Variants in TMEM181 observed in about 807,000 individuals in gnomAD.
The protein encoded by TMEM181 is G protein-coupled receptor 178.
A neutral mutation model predicts 71.9 loss-of-function variants in TMEM181; 39 were observed. The observed-to-expected ratio is 0.54, with a 90% CI of 0.42 to 0.71. The LOEUF (loss-of-function observed/expected upper bound fraction) is 0.71. TMEM181 is among the 30% of genes least tolerant of loss of function. The pLI is 0.00. For synonymous variants in TMEM181, 245 were observed against 228.8 expected (o/e 1.07, Z -0.64); for missense variants, 595 against 583.0 (o/e 1.02, Z -0.21).
At chr6:158,565,053 C>T (rs988239901) in intron 1 of TMEM181, among the ~76,000 whole-genome samples, 1 of 152,216 alleles carries the variant, frequency 6.6e-6, no homozygotes, top group African/African-American at 2.4e-5. Flanking sequence ...CCTTGGGCCC[C>T]TGCTGCGGAT....
chr6:158,561,270 G>A (rs1365734016), intron 1 of TMEM181, among the ~76,000 whole-genome samples: 1 of 152,216 alleles, frequency 6.6e-6, no homozygotes, highest in Non-Finnish European at 1.5e-5. Flanking sequence ...TTCCTTAGAA[G>A]TTTCTGACTT....
chr6:158,584,104 A>C, intron 4 of TMEM181, 60 bp downstream of exon 4: 1 of 1,414,670 alleles, frequency 7.1e-7, no homozygotes, highest in Non-Finnish European at 9.8e-7. Flanking sequence ...CGTATTTTAG[A>C]TGTTGACTTC....
Position 158,595,161 on chromosome 6 carries a change from C to T in TMEM181, c.492+5379C>T, listed in dbSNP as rs531671782. On this transcript the variant is annotated intron_variant, in intron 6 of 16. Coordinates refer to ENST00000684151, the MANE Select transcript of TMEM181 (RefSeq NM_001376852.1). Reference sequence around the variant, plus strand: ...CTGAATTGTACTAATTACTAACATCCTGGTATGGATTTCTGGTATAATTAT... The same window carrying T: ...CTGAATTGTACTAATTACTAACATCTTGGTATGGATTTCTGGTATAATTAT... Among the ~76,000 whole-genome samples, 3 of 152,296 alleles carry T rather than the reference C, an allele frequency of 2.0e-5. No homozygotes were observed. The East Asian group carries it at 5.8e-4, about 29-fold the overall frequency.
chr6:158,566,950 TA>T (rs1157890105), intron 1 of TMEM181, among the ~76,000 whole-genome samples: 9 of 152,206 alleles, frequency 5.9e-5, no homozygotes, highest in African/African-American at 2.2e-4. Context: ...GGCATTCCAG[TA>T]AAGGTGTGTT....
At chr6:158,540,106 T>C (rs1781285769) in intron 1 of TMEM181, among the ~76,000 whole-genome samples, 1 of 152,254 alleles carries the variant, frequency 6.6e-6, no homozygotes, top group Non-Finnish European at 1.5e-5. Context: ...TCATTTGGGC[T>C]ACTGCTTCTC....
At chr6:158,597,180 T>A (rs1261110020) in intron 6 of TMEM181, among the ~76,000 whole-genome samples, 1 of 152,226 alleles carries the variant, frequency 6.6e-6, no homozygotes, top group South Asian at 2.1e-4. Context: ...GATTTCTCTC[T>A]CCTTTTGTTC....
chr6:158,563,706 G>GA (rs1172141763), intron 1 of TMEM181, among the ~76,000 whole-genome samples: 9 of 152,352 alleles, frequency 5.9e-5, no homozygotes, highest in Non-Finnish European at 1.0e-4. Flanking sequence ...TTGCAATCTG[G>GA]AAAGGATACA....
chr6:158,550,341 G>C (rs983563932), intron 1 of TMEM181, among the ~76,000 whole-genome samples: 2 of 148,838 alleles, frequency 1.3e-5, no homozygotes, highest in Non-Finnish European at 3.0e-5. Flanking sequence ...CACCACGCCC[G>C]GCCGAGACTT....
chr6:158,563,961 A>G (rs1172163103), intron 1 of TMEM181, among the ~76,000 whole-genome samples: 1 of 152,130 alleles, frequency 6.6e-6, no homozygotes, highest in African/African-American at 2.4e-5. Context: ...TATTTTTAGT[A>G]GGGACACGGT....
At chr6:158,553,189 C>T (rs1160856539) in intron 1 of TMEM181, among the ~76,000 whole-genome samples, 6 of 81,680 alleles carry the variant, frequency 7.3e-5, no homozygotes, top group Admixed American at 1.3e-4. Flanking sequence ...TCCCTGTCTC[C>T]GAAAAAAAAA....
chr6:158,548,439 G>A (rs1582921349), intron 1 of TMEM181, among the ~76,000 whole-genome samples: 3 of 152,160 alleles, frequency 2.0e-5, no homozygotes, highest in Non-Finnish European at 2.9e-5. Context: ...GGTGGCCAAC[G>A]ATCCTGGTTT....
intron 1 of TMEM181, among the ~76,000 whole-genome samples, chr6:158,572,691 G>T (rs1782931317): frequency 6.6e-6 from 1 of 152,336 alleles, no homozygotes; most frequent in Non-Finnish European, 1.5e-5. Flanking sequence ...TGTTCTAAAA[G>T]AAATGATCCC....
chr6:158,575,951 C>T (rs1386268244), intron 2 of TMEM181, among the ~76,000 whole-genome samples: 1 of 152,168 alleles, frequency 6.6e-6, no homozygotes, highest in Non-Finnish European at 1.5e-5. Flanking sequence ...AAATTAAAAT[C>T]AGATTCACGG....
At chr6:158,573,099 AGT>A (rs1263836468) in intron 1 of TMEM181, among the ~76,000 whole-genome samples, 1 of 152,156 alleles carries the variant, frequency 6.6e-6, no homozygotes, top group African/African-American at 2.4e-5. Context: ...CCTCTGTGGC[AGT>A]GACCCCTGGG....
At chr6:158,562,228 C>G (rs1407095793) in intron 1 of TMEM181, among the ~76,000 whole-genome samples, 7 of 152,152 alleles carry the variant, frequency 4.6e-5, no homozygotes, top group Non-Finnish European at 1.0e-4. Flanking sequence ...GTTAGCAGTT[C>G]TTAACAGTTT....
intron 15 of TMEM181, 45 bp from the exon 16 acceptor site, chr6:158,631,278 A>G: frequency 1.2e-6 from 2 of 1,604,160 alleles, no homozygotes; most frequent in East Asian, 2.2e-5. Context: ...GTCCAGGCTC[A>G]TCACGTCAAT....
intron 12 of TMEM181, 49 bp from the exon 13 acceptor site, chr6:158,625,654 C>G: frequency 1.3e-6 from 2 of 1,482,510 alleles, no homozygotes; most frequent in Non-Finnish European, 1.9e-6. Flanking sequence ...AAATAAAATG[C>G]AAGTGGAATT....
intron 1 of TMEM181, among the ~76,000 whole-genome samples, chr6:158,572,968 G>A (rs565443865): frequency 6.6e-6 from 1 of 152,102 alleles, no homozygotes; most frequent in East Asian, 1.9e-4. Context: ...GCAGTACCTG[G>A]AGCTTCGAGT....
intron 6 of TMEM181, among the ~76,000 whole-genome samples, chr6:158,604,397 G>A (rs1354860965): frequency 6.6e-6 from 1 of 152,160 alleles, no homozygotes; most frequent in Non-Finnish European, 1.5e-5. Context: ...TACTGAAGTG[G>A]ATTTTTTAAA....
Sources: gnomAD v4.1 joint callset for allele counts (sites outside exome capture counted in the v4.1 genomes callset) on GRCh38, gnomAD v4.1.1 for gene constraint, MANE v1.5 for transcripts, NCBI Gene and HGNC (gene_info 2026-07-23, HGNC 2026-07-21) for gene names.